The following ADAM7 variants were observed in gnomAD, a reference collection of about 807,000 sequenced individuals.
ADAM7 encodes the protein ADAM metallopeptidase domain 7.
In ADAM7, 97 loss-of-function variants were observed where a neutral mutation model predicts 102.9. That is an observed-to-expected ratio of 0.94 (90% confidence interval 0.80 to 1.12). ADAM7 has a LOEUF of 1.12. Among genes scored for constraint, ADAM7 ranks in the 50% most tolerant of loss-of-function variants. The pLI is 0.00. For missense variants in ADAM7, 991 were observed against 908.7 expected, an observed-to-expected ratio of 1.09 and a Z score of -1.16; for synonymous variants, 334 against 304.4, an observed-to-expected ratio of 1.10 and a Z score of -1.01.
At chr8:24,470,643 C>T (rs1253061437) in intron 7 of ADAM7, among the ~76,000 whole-genome samples, 1 of 152,134 alleles carries the variant, frequency 6.6e-6, no homozygotes, top group Non-Finnish European at 1.5e-5. Flanking sequence ...AGCCTAGTGA[C>T]ATCGTAGCCA....
At chr8:24,501,454 T>C in intron 19 of ADAM7, 23 bp from the exon 20 acceptor site, 2 of 1,546,524 alleles carry the variant, frequency 1.3e-6, no homozygotes, top group East Asian at 2.3e-5. Flanking sequence ...AATAAATTAG[T>C]TGTTCAATTT....
intron 3 of ADAM7, among the ~76,000 whole-genome samples, chr8:24,451,281 C>G (rs559232620): frequency 0.047 from 7,139 of 151,696 alleles, 238 homozygotes; most frequent in African/African-American, 0.069. Flanking sequence ...ATCTGGTCCT[C>G]GACTCTTTTT....
intron 9 of ADAM7, among the ~76,000 whole-genome samples, chr8:24,482,898 TG>T (rs560935846): frequency 7.5e-4 from 114 of 152,288 alleles, no homozygotes; most frequent in African/African-American, 2.4e-3. Flanking sequence ...TTAGAATCCA[TG>T]TTACATTTTT....
At chr8:24,495,832 T>G (rs575224360) in intron 16 of ADAM7, among the ~76,000 whole-genome samples, 1 of 152,302 alleles carries the variant, frequency 6.6e-6, no homozygotes, top group African/African-American at 2.4e-5. Flanking sequence ...AAGCAGAGCA[T>G]AAAAGTTCAA....
At chr8:24,459,921 T>A (rs1036265865) in intron 3 of ADAM7, among the ~76,000 whole-genome samples, 18 of 152,184 alleles carry the variant, frequency 1.2e-4, no homozygotes, top group African/African-American at 4.3e-4. Flanking sequence ...AATATTGAAG[T>A]CATAGCATTT....
chr8:24,442,512 G>A lies in ADAM7; in HGVS notation c.92G>A (p.Arg31His), dbSNP rs375491503. 20 of 1,613,900 alleles carry A rather than the reference G, an allele frequency of 1.2e-5. No individual in the cohort carries two copies. Among genetic ancestry groups the A allele is most frequent in the Middle Eastern group, 1.6e-4 (1 of 6,082 alleles). The part of the protein sequence containing the change: ...ILGVEGQQLV[R>H]PKKLPLIQKR... The stretch of plus-strand genomic sequence containing the variant: ...GGAGTAGAGGGTCAACAACTGGTTC[G>A]TCCTAAAAAGCTTCCTCTGATACAG... Residue 31 changes from arginine (R) to histidine (H), a missense_variant, in exon 2 of 22, where the codon CGT (arginine) becomes CAT (histidine). By Grantham distance (29) the Arg-to-His change is conservative. Coordinates refer to ENST00000175238, the MANE Select transcript of ADAM7 (RefSeq NM_003817.4).
chr8:24,508,662 C>T lies in ADAM7; in HGVS notation c.*116C>T, dbSNP rs956774127. On this transcript the variant is annotated 3_prime_UTR_variant, in exon 22 of 22. Transcript: ENST00000175238. ...CTCACATTTTTGGTAGTGTTTCAAA[C>T]GTTCTTTATCCAGACAGACAATGTT... is the stretch of plus-strand genomic sequence containing the variant. 59 of 1,570,226 alleles carry T rather than the reference C, an allele frequency of 3.8e-5. No individual in the cohort carries two copies. The highest frequency in any genetic ancestry group is 4.7e-5 in the South Asian group (4 of 85,214).
chr8:24,480,522 G>A (rs1034015835), intron 8 of ADAM7, among the ~76,000 whole-genome samples: 4 of 152,072 alleles, frequency 2.6e-5, no homozygotes, highest in African/African-American at 4.8e-5. Context: ...CCAAATGTGT[G>A]TATCCAAAAC....
At chr8:24,461,427 G>A (rs567172077) in intron 3 of ADAM7, among the ~76,000 whole-genome samples, 1 of 152,210 alleles carries the variant, frequency 6.6e-6, no homozygotes, top group South Asian at 2.1e-4. Flanking sequence ...TTCTCTTGCT[G>A]GTTTTGAGAT....
chr8:24,483,433 CG>C (rs1820029318), intron 9 of ADAM7, among the ~76,000 whole-genome samples: 1 of 152,126 alleles, frequency 6.6e-6, no homozygotes, highest in South Asian at 2.1e-4. Flanking sequence ...CCCATAATAT[CG>C]GTATTTCTCC....
At chr8:24,461,611 T>C (rs1163943276) in intron 3 of ADAM7, among the ~76,000 whole-genome samples, 1 of 152,166 alleles carries the variant, frequency 6.6e-6, no homozygotes, top group Non-Finnish European at 1.5e-5. Flanking sequence ...TGATACCCTT[T>C]CTCCACTTTC....
intron 3 of ADAM7, among the ~76,000 whole-genome samples, chr8:24,454,947 T>TA (rs1379265309): frequency 6.6e-6 from 1 of 152,210 alleles, no homozygotes; most frequent in Non-Finnish European, 1.5e-5. Context: ...CAATTTTCTG[T>TA]TCGCTATAAT....
At chr8:24,453,633 A>G (rs1818886988) in intron 3 of ADAM7, among the ~76,000 whole-genome samples, 2 of 152,154 alleles carry the variant, frequency 1.3e-5, no homozygotes, top group Non-Finnish European at 2.9e-5. Flanking sequence ...GATCGTCTGA[A>G]GCCTTCTTCT....
intron 7 of ADAM7, among the ~76,000 whole-genome samples, chr8:24,472,291 A>C (rs1389007968): frequency 6.6e-6 from 1 of 152,016 alleles, no homozygotes. Flanking sequence ...CATTTAAAAA[A>C]AAAGAATATG....
chr8:24,496,479 C>T (rs561134440), intron 16 of ADAM7, among the ~76,000 whole-genome samples: 2 of 152,296 alleles, frequency 1.3e-5, no homozygotes, highest in South Asian at 4.1e-4. Context: ...TTGCACTGTG[C>T]ACCTGGAAAA....
chr8:24,491,840 A>G, intron 13 of ADAM7, 63 bp from the exon 14 acceptor site: 6 of 1,357,054 alleles, frequency 4.4e-6, no homozygotes, highest in Non-Finnish European at 5.9e-6. Flanking sequence ...CTTTCTGTCT[A>G]CTTACGAAAC....
intron 7 of ADAM7, among the ~76,000 whole-genome samples, chr8:24,474,116 A>T (rs1819692616): frequency 6.6e-6 from 1 of 152,160 alleles, no homozygotes; most frequent in South Asian, 2.1e-4. Flanking sequence ...TGAAATTCCC[A>T]GCCAATGTAA....
At chr8:24,479,989 A>C (rs1376399024) in intron 8 of ADAM7, among the ~76,000 whole-genome samples, 1 of 152,172 alleles carries the variant, frequency 6.6e-6, no homozygotes, top group African/African-American at 2.4e-5. Context: ...GCAGAAGCAG[A>C]ACTTCTCCCA....
intron 7 of ADAM7, among the ~76,000 whole-genome samples, chr8:24,473,772 T>C (rs369541712): frequency 1.3e-5 from 2 of 152,114 alleles, no homozygotes; most frequent in Non-Finnish European, 2.9e-5. Flanking sequence ...CCAAGATATA[T>C]CCATAAAAAT....
Sources: allele counts gnomAD v4.1 joint callset (sites outside exome capture counted in the v4.1 genomes callset), GRCh38; gene constraint gnomAD v4.1.1; transcripts MANE v1.5; gene names NCBI Gene and HGNC (gene_info 2026-07-23, HGNC 2026-07-21).